Variants in TAX1BP3 observed in about 807,000 individuals in gnomAD.
TAX1BP3 encodes Tax1 binding protein 3.
Under a neutral mutation model 15.3 loss-of-function variants are expected in TAX1BP3, and 13 were observed. That is an observed-to-expected ratio of 0.85 (90% CI 0.55 to 1.35). TAX1BP3 has a LOEUF of 1.35. Ranked by LOEUF, TAX1BP3 falls within the 40% of genes most tolerant of loss-of-function variation. The pLI is 0.00. For missense variants in TAX1BP3, 147 were observed against 169.6 expected (o/e 0.87, Z 0.74); for synonymous variants, 70 against 66.0 (o/e 1.06, Z -0.30).
chr17:3,666,503 G>A (rs888956902), intron 1 of TAX1BP3, among the ~76,000 whole-genome samples: 5 of 152,200 alleles, frequency 3.3e-5, no homozygotes, highest in African/African-American at 1.2e-4. Context: ...GACCCAGGAG[G>A]AGGAGGAGCA....
intron 1 of TAX1BP3, 134 bp from the exon 2 acceptor site, chr17:3,664,932 G>C: frequency 2.3e-6 from 3 of 1,324,206 alleles, no homozygotes; most frequent in Non-Finnish European, 3.1e-6. Context: ...CTGCTCACCA[G>C]CCTGGGAGGC....
At chr17:3,665,694 A>G (rs1201805629) in intron 1 of TAX1BP3, 5 of 670,878 alleles carry the variant, frequency 7.5e-6, no homozygotes, top group Non-Finnish European at 8.0e-6. Flanking sequence ...CTATGAATTC[A>G]TGGCATAATA....
At position 3,663,353 on chromosome 17, in the gene TAX1BP3, C is replaced by T. The variant is rs922563728; in HGVS notation, c.*395G>A. On this transcript the variant is annotated 3_prime_UTR_variant, in exon 4 of 4. Coordinates refer to ENST00000225525, the MANE Select transcript of TAX1BP3 (RefSeq NM_014604.4). ...GAGGGCTGGGGGGCAGGGGCGGAGC[C>T]GAACCCTGCAGCCAGGCAAAAGCGG... 4 of 169,622 alleles carry T rather than the reference C, an allele frequency of 2.4e-5. No individual in the cohort carries two copies. Among genetic ancestry groups the T allele is most frequent in the South Asian group, 3.6e-4 (2 of 5,504 alleles). The allele number at this position is 169,622 out of a possible 1,614,324, so 10.5% of individuals were successfully genotyped here.
chr17:3,666,065 G>C (rs1567722295), intron 1 of TAX1BP3, among the ~76,000 whole-genome samples: 1 of 152,196 alleles, frequency 6.6e-6, no homozygotes, highest in Non-Finnish European at 1.5e-5. Context: ...CAAAGCCCTT[G>C]GCAAGCGCCG....
At position 3,664,791 on chromosome 17, in the gene TAX1BP3, A is replaced by C. The variant is rs748863321; in HGVS notation, c.47T>G (p.Val16Gly). The change falls in exon 2 of 4, where the codon GTT (valine) becomes GGT (glycine). Residue 16 changes from valine (V) to glycine (G), a missense_variant. Coordinates refer to ENST00000225525, the MANE Select transcript of TAX1BP3 (RefSeq NM_014604.4). The stretch of plus-strand genomic sequence containing the variant: ...ACCTTGACGCAGCTTGTGAATTTCA[A>C]CTCTTTGCTGGCAAAGAAAAAAGCC... Reference protein sequence around the residue: ...GQPVTAVVQRVEIHKLRQGEN... With the variant: ...GQPVTAVVQRGEIHKLRQGEN... The C allele has an allele frequency of 6.2e-7, 1 of 1,612,828 alleles. No individual in the cohort carries two copies. Among genetic ancestry groups the C allele is most frequent in the South Asian group, 1.1e-5 (1 of 91,002 alleles).
At chr17:3,665,194 C>T in intron 1 of TAX1BP3, 1 of 1,040,578 alleles carries the variant, frequency 9.6e-7, no homozygotes, top group South Asian at 1.3e-5. Flanking sequence ...TCGGCCGGAA[C>T]CGCCATCTTC....
Position 3,664,723 on chromosome 17 carries a change from G to C in TAX1BP3, c.115C>G (p.Gln39Glu), listed in dbSNP as rs142167108. The change falls in exon 2 of 4, where the codon CAG becomes GAG. Residue 39 changes from glutamine to glutamate, a missense_variant. By Grantham distance (29) the Gln-to-Glu change is conservative (BLOSUM62 2). Transcript: ENST00000225525. ...LGFSIGGGID[Q>E]DPSQNPFSED... ...GAGAAGGGATTCTGGGAAGGATCCT[G>C]GTCGATTCCACCTCCAATGCTGAAA... 168 of 1,613,674 alleles carry C rather than the reference G, an allele frequency of 1.0e-4. No homozygotes were observed. The highest frequency in any genetic ancestry group is 1.3e-4 in the Non-Finnish European group (159 of 1,179,926).
rs1228776873 is a variant in TAX1BP3, at chr17:3,664,807, GAAAA to G, written c.40-13_40-10del. 1 of 1,611,252 alleles carries G rather than the reference GAAAA, an allele frequency of 6.2e-7. No individual in the cohort carries two copies. Among genetic ancestry groups the G allele is most frequent in the Non-Finnish European group, 8.5e-7 (1 of 1,178,878 alleles). On this transcript the variant is annotated splice_polypyrimidine_tract_variant and intron_variant, in intron 1 of 3. Coordinates refer to ENST00000225525, the MANE Select transcript of TAX1BP3 (RefSeq NM_014604.4). ...TGAATTTCAACTCTTTGCTGGCAAAGAAAAAAGCCAGTTGAGAGAAGTGGGTGGT... is the reference window on the plus strand; with the variant it reads ...TGAATTTCAACTCTTTGCTGGCAAAGAAGCCAGTTGAGAGAAGTGGGTGGT...
Position 3,668,126 on chromosome 17 carries a change from G to A in TAX1BP3, c.39+362C>T, listed in dbSNP as rs917238121. ...AGCATTTCCTCATTCCAGAGGCTGC[G>A]ACTCATGGACGTCGGGATCGGCGCC... On this transcript the variant is annotated intron_variant, in intron 1 of 3. Transcript: ENST00000225525. This position sits in a 1 kb window ranked among gnomAD's most constrained non-coding sequence, Gnocchi z 4.1. Among the ~76,000 whole-genome samples, 1 of 152,250 alleles carries A rather than the reference G, an allele frequency of 6.6e-6. No individual in the cohort carries two copies. Among genetic ancestry groups the A allele is most frequent in the Admixed American group, 6.5e-5 (1 of 15,294 alleles).
At chr17:3,665,084 A>G (rs1293190670) in intron 1 of TAX1BP3, 7 of 688,016 alleles carry the variant, frequency 1.0e-5, no homozygotes, top group African/African-American at 3.5e-5. Flanking sequence ...CCAAGAGTCC[A>G]GGTGCTGTGG....
Position 3,668,152 on chromosome 17 carries a change from C to G in TAX1BP3, c.39+336G>C, listed in dbSNP as rs2076362518. ...ACTCATGGACGTCGGGATCGGCGCC[C>G]GCCCCCAGCAGCTCCCCGTCTGGGG... On this transcript the variant is annotated intron_variant, in intron 1 of 3. Coordinates refer to ENST00000225525, the MANE Select transcript of TAX1BP3 (RefSeq NM_014604.4). The surrounding 1 kb of genome is among the most constrained non-coding windows in gnomAD (Gnocchi z 4.1). 6.6e-6 allele frequency among the ~76,000 whole-genome samples: 1 copy of G among 152,230 alleles called. No individual in the cohort carries two copies. The highest frequency in any genetic ancestry group is 2.1e-4 in the South Asian group (1 of 4,838).
At chr17:3,667,076 C>G (rs1416864270) in intron 1 of TAX1BP3, among the ~76,000 whole-genome samples, 1 of 152,062 alleles carries the variant, frequency 6.6e-6, no homozygotes, top group Non-Finnish European at 1.5e-5. Context: ...GGGTGTGGTG[C>G]CTCACGCCTG....
intron 2 of TAX1BP3, 74 bp from the exon 3 acceptor site, chr17:3,664,346 G>C: frequency 6.4e-7 from 1 of 1,555,672 alleles, no homozygotes; most frequent in Non-Finnish European, 8.8e-7. Flanking sequence ...AAGCCAGCAT[G>C]GCACATTCTC....
intron 1 of TAX1BP3, among the ~76,000 whole-genome samples, chr17:3,665,871 C>T (rs537929069): frequency 5.9e-5 from 9 of 151,978 alleles, no homozygotes; most frequent in Admixed American, 2.0e-4. Context: ...AACTGGGAGG[C>T]GAGATGAGGC....
intron 1 of TAX1BP3, among the ~76,000 whole-genome samples, chr17:3,666,006 T>C (rs772078685): frequency 5.9e-5 from 9 of 152,152 alleles, no homozygotes; most frequent in Non-Finnish European, 1.3e-4. Flanking sequence ...CTCTGGGGTG[T>C]TCCCACCATG....
At position 3,668,338 on chromosome 17, in the gene TAX1BP3, C is replaced by T. The variant is rs12601801; in HGVS notation, c.39+150G>A. The T allele has an allele frequency of 2.2e-4, 237 of 1,059,390 alleles. 1 individual carries two copies. The East Asian group carries it at 5.3e-3, about 24-fold the overall frequency. The allele number at this position is 1,059,390 out of a possible 1,614,324, so 65.6% of individuals were successfully genotyped here. A position where few individuals can be genotyped will look rare whatever the true frequency, so the allele number is the denominator to read the frequency against. ...TTTCGTGGCTGGGGGAACTGCGGCC[C>T]GCTCCGGCAAAGCGGGGACCCGAGC... is the stretch of plus-strand genomic sequence containing the variant. On this transcript the variant is annotated intron_variant, in intron 1 of 3. Transcript: ENST00000225525. The surrounding 1 kb of genome is among the most constrained non-coding windows in gnomAD (Gnocchi z 4.1).
chr17:3,664,536 A>T, intron 2 of TAX1BP3, 143 bp downstream of exon 2: 2 of 1,230,996 alleles, frequency 1.6e-6, no homozygotes, highest in Non-Finnish European at 2.3e-6. Flanking sequence ...CCTTATTCTC[A>T]CTAGGTCACT....
chr17:3,667,391 A>AG (rs1305361330), intron 1 of TAX1BP3, among the ~76,000 whole-genome samples: 1 of 149,482 alleles, frequency 6.7e-6, no homozygotes, highest in Non-Finnish European at 1.5e-5. Context: ...GGTGAAGCTT[A>AG]GGACAGCTGT....
chr17:3,668,088 C>G lies in TAX1BP3; in HGVS notation c.39+400G>C, dbSNP rs2076361466. Reference sequence around the variant, plus strand: ...ATCTCCCTCCGGGCGGCGGCGCAGGCTGCAGCGGAGGAAGCATTTCCTCAT... The same window carrying G: ...ATCTCCCTCCGGGCGGCGGCGCAGGGTGCAGCGGAGGAAGCATTTCCTCAT... On this transcript the variant is annotated intron_variant, in intron 1 of 3. Transcript: ENST00000225525. The surrounding 1 kb of genome is among the most constrained non-coding windows in gnomAD (Gnocchi z 4.1). Among the ~76,000 whole-genome samples, 1 of 152,268 alleles carries G rather than the reference C, an allele frequency of 6.6e-6. No homozygotes were observed. Among genetic ancestry groups the G allele is most frequent in the African/African-American group, 2.4e-5 (1 of 41,478 alleles).
Sources: allele counts gnomAD v4.1 joint callset (sites outside exome capture counted in the v4.1 genomes callset), GRCh38; gene constraint gnomAD v4.1.1; non-coding constraint Gnocchi (gnomAD v3.1); transcripts MANE v1.5; gene names NCBI Gene and HGNC (gene_info 2026-07-23, HGNC 2026-07-21).